The following NTN1 variants were observed in gnomAD, a reference collection of about 807,000 sequenced individuals.
NTN1 encodes the protein netrin 1, also known as netrin-1.
Under a neutral mutation model 54.2 loss-of-function variants are expected in NTN1, and 11 were observed. That is an observed-to-expected ratio of 0.20 (90% CI 0.13 to 0.34). The LOEUF (loss-of-function observed/expected upper bound fraction) is 0.34, where lower values mean the gene tolerates loss of function less well. Ranked by LOEUF, NTN1 falls within the 10% of genes least tolerant of loss-of-function variation. NTN1 has a pLI of 1.00. For synonymous variants in NTN1, 371 were observed against 382.0 expected (o/e 0.97, Z 0.33); for missense variants, 740 against 893.1 (o/e 0.83, Z 2.18).
At chr17:9,225,732 C>G (rs1041094758) in intron 6 of NTN1, among the ~76,000 whole-genome samples, 1 of 152,074 alleles carries the variant, frequency 6.6e-6, no homozygotes, top group Admixed American at 6.5e-5. Context: ...CAGGGCGGGC[C>G]GGGCAGGGGC....
chr17:9,231,697 G>A (rs1302289617), intron 6 of NTN1, among the ~76,000 whole-genome samples: 1 of 147,000 alleles, frequency 6.8e-6, no homozygotes, highest in African/African-American at 2.4e-5. Flanking sequence ...GTTCTCAGCC[G>A]GGCCACTCCC....
chr17:9,023,081 C>T lies in NTN1; in HGVS notation c.708C>T (p.Pro236=). 1 of 1,573,304 alleles carries T rather than the reference C, an allele frequency of 6.4e-7. No individual in the cohort carries two copies. Among genetic ancestry groups the T allele is most frequent in the Non-Finnish European group, 8.6e-7 (1 of 1,160,738 alleles). ...RPSAHDFDNS[P]VLQDWVTATD... The stretch of plus-strand genomic sequence containing the variant: ...CGGCGCACGACTTCGACAACTCGCC[C>T]GTGCTGCAGGACTGGGTCACGGCCA... Residue 236 remains proline, a synonymous_variant, in exon 2 of 7, where the codon CCC becomes CCT. Transcript: ENST00000173229.
chr17:9,032,735 C>A (rs1052286987), intron 2 of NTN1, among the ~76,000 whole-genome samples: 1 of 152,214 alleles, frequency 6.6e-6, no homozygotes, highest in Non-Finnish European at 1.5e-5. Flanking sequence ...ACGGCCCCCC[C>A]AGCCCCTACC....
At chr17:9,054,956 A>G (rs537123096) in intron 2 of NTN1, among the ~76,000 whole-genome samples, 1 of 152,218 alleles carries the variant, frequency 6.6e-6, no homozygotes, top group Admixed American at 6.5e-5. Context: ...TTTAATGGAC[A>G]GTGTAAAAGT....
intron 5 of NTN1, among the ~76,000 whole-genome samples, chr17:9,215,444 C>T (rs1905199518): frequency 1.3e-5 from 2 of 152,188 alleles, no homozygotes; most frequent in Admixed American, 1.3e-4. Context: ...ACAGAGATAT[C>T]AATCACATCA....
At position 9,022,381 on chromosome 17, in the gene NTN1, G is replaced by A; in HGVS notation, c.8G>A (p.Arg3His). The change falls in exon 2 of 7, where the codon CGC becomes CAC. Residue 3 changes from arginine (R) to histidine (H), a missense_variant. Coordinates refer to ENST00000173229, the MANE Select transcript of NTN1 (RefSeq NM_004822.3). ...GGGCAAGCTGGACGCAGCATGATGC[G>A]CGCAGTGTGGGAGGCGCTGGCGGCG... MMRAVWEALAALA... is the reference protein window; with the variant it reads MMHAVWEALAALA... 1.5e-6 allele frequency: 2 copies of A among 1,316,216 alleles called. No individual in the cohort carries two copies. The highest frequency in any genetic ancestry group is 1.5e-5 in the African/African-American group (1 of 64,648). 81.5% of individuals were successfully genotyped at this position (1,316,216 alleles called of 1,614,324 possible).
chr17:9,206,094 G>A (rs1317707924), intron 5 of NTN1, among the ~76,000 whole-genome samples: 5 of 152,126 alleles, frequency 3.3e-5, no homozygotes, highest in African/African-American at 9.7e-5. Context: ...GTGACTTCGC[G>A]GTAGAAGCAA....
chr17:9,115,600 CA>C (rs1198133674), intron 2 of NTN1, among the ~76,000 whole-genome samples: 1 of 152,242 alleles, frequency 6.6e-6, no homozygotes, highest in Non-Finnish European at 1.5e-5. Context: ...ACCAGCTTCA[CA>C]AACACACTCA....
chr17:9,193,886 A>G (rs567521988), intron 5 of NTN1, among the ~76,000 whole-genome samples: 1 of 132,686 alleles, frequency 7.5e-6, no homozygotes, highest in South Asian at 2.6e-4. Context: ...GTGCCATTGT[A>G]CTCCAGCCTG....
chr17:9,065,975 G>A (rs971309219), intron 2 of NTN1, among the ~76,000 whole-genome samples: 9 of 152,234 alleles, frequency 5.9e-5, no homozygotes, highest in Middle Eastern at 3.4e-3. Flanking sequence ...ATATGTGTCC[G>A]GAGAAAATAT....
intron 2 of NTN1, among the ~76,000 whole-genome samples, chr17:9,029,882 C>G (rs1294335314): frequency 6.6e-6 from 1 of 151,854 alleles, no homozygotes; most frequent in Non-Finnish European, 1.5e-5. Context: ...ATCCCAGCTA[C>G]TTGGGAGGCC....
intron 5 of NTN1, among the ~76,000 whole-genome samples, chr17:9,193,334 T>C (rs566702329): frequency 6.6e-6 from 1 of 152,290 alleles, no homozygotes; most frequent in African/African-American, 2.4e-5. Context: ...GAGAAAAGCA[T>C]GGGGGACAGT....
intron 6 of NTN1, among the ~76,000 whole-genome samples, chr17:9,229,512 C>T (rs912462978): frequency 3.9e-5 from 6 of 152,170 alleles, no homozygotes; most frequent in Non-Finnish European, 7.3e-5. Context: ...CTCCCACACC[C>T]GGGAGGCCAG....
Position 9,239,554 on chromosome 17 carries a change from C to A in NTN1, c.1487-86C>A. 1.5e-6 allele frequency: 2 copies of A among 1,373,230 alleles called. No individual in the cohort carries two copies. Among genetic ancestry groups the A allele is most frequent in the Non-Finnish European group, 2.0e-6 (2 of 990,910 alleles). The allele number at this position is 1,373,230 out of a possible 1,614,324, so 85.1% of individuals were successfully genotyped here. ...GTGCAGTCACTTCCTGGGGCTGGGT[C>A]TCCTTTCCCTTCTCCCCAGGCTCAG... On this transcript the variant is annotated intron_variant, in intron 6 of 6. Coordinates refer to ENST00000173229, the MANE Select transcript of NTN1 (RefSeq NM_004822.3). The surrounding 1 kb of genome is among the most constrained non-coding windows in gnomAD (Gnocchi z 5.2).
intron 2 of NTN1, among the ~76,000 whole-genome samples, chr17:9,035,848 C>T (rs1420845193): frequency 6.6e-6 from 1 of 152,066 alleles, no homozygotes; most frequent in Non-Finnish European, 1.5e-5. Context: ...ATATTGAAAC[C>T]CCATCTCTAC....
intron 5 of NTN1, among the ~76,000 whole-genome samples, chr17:9,192,758 C>T (rs1904495319): frequency 1.3e-5 from 2 of 152,140 alleles, no homozygotes; most frequent in Admixed American, 1.3e-4. Context: ...ATGCACCATG[C>T]TGAACTGAAT....
intron 5 of NTN1, among the ~76,000 whole-genome samples, chr17:9,215,906 A>G (rs62068233): frequency 0.079 from 11,995 of 152,144 alleles, 542 homozygotes; most frequent in Non-Finnish European, 0.092. Context: ...TTTATTCTCC[A>G]TGTTTCTGGA....
chr17:9,222,736 T>C (rs1182804140), intron 6 of NTN1, among the ~76,000 whole-genome samples: 1 of 152,152 alleles, frequency 6.6e-6, no homozygotes, highest in Non-Finnish European at 1.5e-5. Flanking sequence ...CCAGACCTCA[T>C]GGAGATCCTA....
At chr17:9,058,168 G>A (rs568857478) in intron 2 of NTN1, among the ~76,000 whole-genome samples, 2 of 152,310 alleles carry the variant, frequency 1.3e-5, no homozygotes, top group East Asian at 3.9e-4. Context: ...GGGATTACAG[G>A]CATGAGCCAC....
Sources: allele counts gnomAD v4.1 joint callset (sites outside exome capture counted in the v4.1 genomes callset), GRCh38; gene constraint gnomAD v4.1.1; non-coding constraint Gnocchi (gnomAD v3.1); transcripts MANE v1.5; gene names NCBI Gene and HGNC (gene_info 2026-07-23, HGNC 2026-07-21).